GADL1: variants seen among roughly 807,000 people sequenced by gnomAD.
The protein encoded by GADL1 is GAD like acidic amino acid decarboxylase 1, also known as acidic amino acid decarboxylase GADL1.
A neutral mutation model predicts 69.5 loss-of-function variants in GADL1; 71 were observed. The ratio of observed to expected loss-of-function variants is 1.02; its 90% CI spans 0.84 to 1.25. The LOEUF is 1.25. Ranked by LOEUF, GADL1 falls within the 50% of genes most tolerant of loss-of-function variation. The pLI, the probability that GADL1 is intolerant of heterozygous loss-of-function variation, is 0.00. For missense variants in GADL1, 737 were observed against 631.8 expected (o/e 1.17, Z -1.79); for synonymous variants, 254 against 214.4 (o/e 1.18, Z -1.62).
At chr3:30,887,460 T>C (rs531794952) in intron 1 of GADL1, among the ~76,000 whole-genome samples, 49 of 152,264 alleles carry the variant, frequency 3.2e-4, no homozygotes, top group African/African-American at 1.2e-3. Context: ...AGTTTGTGCA[T>C]TAGCACTCTC....
chr3:30,833,816 C>A, intron 11 of GADL1, 37 bp downstream of exon 11: 1 of 1,467,624 alleles, frequency 6.8e-7, no homozygotes, highest in South Asian at 1.1e-5. Context: ...TGGCTTAACC[C>A]CCTTGAAGCC....
At chr3:30,808,488 ACT>A (rs1451300806) in intron 11 of GADL1, among the ~76,000 whole-genome samples, 1 of 122,778 alleles carries the variant, frequency 8.1e-6, no homozygotes, top group African/African-American at 4.1e-5. Context: ...ACAGAGCAGG[ACT>A]CTATCTCAAA....
At chr3:30,810,055 C>T (rs1171903296) in intron 11 of GADL1, among the ~76,000 whole-genome samples, 2 of 152,168 alleles carry the variant, frequency 1.3e-5, no homozygotes, top group Admixed American at 6.5e-5. Flanking sequence ...ACAGTCTGCC[C>T]TGTTCTCTTC....
intron 1 of GADL1, among the ~76,000 whole-genome samples, chr3:30,890,105 T>C (rs1698766947): frequency 6.6e-6 from 1 of 152,216 alleles, no homozygotes; most frequent in African/African-American, 2.4e-5. Flanking sequence ...GCCTCTTTGT[T>C]TGATATGTAA....
At chr3:30,834,083 T>C (rs1265946108) in intron 10 of GADL1, 134 bp downstream of exon 10, 2 of 961,960 alleles carry the variant, frequency 2.1e-6, no homozygotes, top group Middle Eastern at 2.1e-4. Flanking sequence ...TTAAGGAATT[T>C]GGAGGGATTT....
At chr3:30,847,134 A>G (rs1177010403) in intron 6 of GADL1, among the ~76,000 whole-genome samples, 4 of 152,202 alleles carry the variant, frequency 2.6e-5, no homozygotes, top group Non-Finnish European at 4.4e-5. Context: ...AAACCAAGAC[A>G]TAGATTTATT....
chr3:30,841,936 T>C (rs72851405), intron 8 of GADL1, among the ~76,000 whole-genome samples: 336 of 152,256 alleles, frequency 2.2e-3, no homozygotes, highest in African/African-American at 8.0e-3. Flanking sequence ...ACAGAAAATA[T>C]AAAGAACAAA....
At chr3:30,742,720 A>G (rs1039846167) in intron 14 of GADL1, among the ~76,000 whole-genome samples, 93 of 152,148 alleles carry the variant, frequency 6.1e-4, no homozygotes, top group African/African-American at 2.2e-3. Flanking sequence ...TGTTTAATAT[A>G]TATAGTTCTA....
intron 13 of GADL1, 62 bp downstream of exon 13, chr3:30,786,293 A>G: frequency 4.9e-6 from 5 of 1,011,872 alleles, no homozygotes; most frequent in Non-Finnish European, 7.8e-6. Context: ...ACAGATAAGA[A>G]AATTACCACC....
At chr3:30,779,030 T>C (rs991831185) in intron 13 of GADL1, 1 of 152,222 alleles carries the variant, frequency 6.6e-6, no homozygotes, top group African/African-American at 2.4e-5. Flanking sequence ...TAAGTAATCA[T>C]AACCCAGTTA....
intron 5 of GADL1, 68 bp from the exon 6 acceptor site, chr3:30,850,179 G>A (rs1698128145): frequency 2.3e-6 from 2 of 853,546 alleles, no homozygotes; most frequent in Admixed American, 1.8e-5. Context: ...GCTGAATACA[G>A]TGGAAAGCAT....
intron 11 of GADL1, among the ~76,000 whole-genome samples, chr3:30,817,891 T>C (rs1018048460): frequency 3.9e-5 from 6 of 152,212 alleles, no homozygotes; most frequent in African/African-American, 9.7e-5. Flanking sequence ...AGACAGACAG[T>C]AGCCTTACAA....
At chr3:30,741,008 T>TTATATATTATATATTAA (rs1559484061) in intron 14 of GADL1, among the ~76,000 whole-genome samples, 38 of 102,848 alleles carry the variant, frequency 3.7e-4, no homozygotes, top group African/African-American at 1.4e-3. Context: ...TTAATATATA[T>TTATATATTATATATTAA]TATATATTAT....
At chr3:30,818,045 T>C (rs753117675) in intron 11 of GADL1, among the ~76,000 whole-genome samples, 17 of 152,170 alleles carry the variant, frequency 1.1e-4, no homozygotes, top group Admixed American at 4.6e-4. Context: ...ATGGAAGATA[T>C]TCATTGTAGA....
intron 14 of GADL1, among the ~76,000 whole-genome samples, chr3:30,739,356 T>C (rs966723687): frequency 6.6e-6 from 1 of 152,132 alleles, no homozygotes; most frequent in African/African-American, 2.4e-5. Context: ...TGTGTGACTA[T>C]CTACCTGCCC....
At chr3:30,823,561 T>G (rs77092012) in intron 11 of GADL1, among the ~76,000 whole-genome samples, 15,126 of 151,766 alleles carry the variant, frequency 0.1, 1,789 homozygotes, top group East Asian at 0.32. Context: ...AAAGATCAAT[T>G]CAGGTCTCAA....
At chr3:30,798,680 T>G (rs1697098610) in intron 12 of GADL1, 1 of 152,118 alleles carries the variant, frequency 6.6e-6, no homozygotes, top group South Asian at 2.1e-4. Context: ...AAGTCTTAAC[T>G]CATTCTAGCA....
At chr3:30,889,105 AAAAAAAAAAAG>A in intron 1 of GADL1, among the ~76,000 whole-genome samples, 1 of 149,168 alleles carries the variant, frequency 6.7e-6, no homozygotes, top group African/African-American at 2.4e-5. Context: ...AAAAAAAAAA[AAAAAAAAAAAG>A]AGGATTAATG....
rs1440889714 is a variant in GADL1 at position 30,755,755 on chromosome 3, GAAAC to G, written c.1392+22420_1392+22423del. On this transcript the variant is annotated intron_variant, in intron 14 of 14. Coordinates refer to ENST00000282538, the MANE Select transcript of GADL1 (RefSeq NM_207359.3). ...ATAAATAATTGTTAAACGAATGAAT[GAAAC>G]AAAAGGCAAATGTCTAGATACCTAT... Among the ~76,000 whole-genome samples, 4 of 152,076 alleles carry G rather than the reference GAAAC, an allele frequency of 2.6e-5. No individual in the cohort carries two copies. The East Asian group carries it at 5.8e-4, about 22-fold the overall frequency.
Sources: allele counts gnomAD v4.1 joint callset (sites outside exome capture counted in the v4.1 genomes callset), GRCh38; gene constraint gnomAD v4.1.1; transcripts MANE v1.5; gene names NCBI Gene and HGNC (gene_info 2026-07-23, HGNC 2026-07-21).